The following XIRP2 variants were observed in gnomAD, a reference collection of about 807,000 sequenced individuals.
XIRP2 encodes the protein xin actin-binding repeat-containing protein 2.
A neutral mutation model predicts 277.0 loss-of-function variants in XIRP2; 236 were observed. The ratio of observed to expected loss-of-function variants is 0.85; its 90% CI spans 0.77 to 0.95. The LOEUF (loss-of-function observed/expected upper bound fraction) is 0.95. XIRP2 is among the 40% of genes least tolerant of loss of function. The pLI, the probability that XIRP2 is intolerant of heterozygous loss-of-function variation, is 0.00. For synonymous variants in XIRP2, 1,490 were observed against 1,416.5 expected, an observed-to-expected ratio of 1.05 and a Z score of -1.17; for missense variants, 4,640 against 4,157.5, an observed-to-expected ratio of 1.12 and a Z score of -3.19.
intron 2 of XIRP2, among the ~76,000 whole-genome samples, chr2:167,040,814 A>T (rs1688640663): frequency 6.6e-6 from 1 of 152,124 alleles, no homozygotes; most frequent in Non-Finnish European, 1.5e-5. Context: ...TAGCTTTTGC[A>T]GGGTGGGCCC....
chr2:167,117,571 A>T (rs933749707), intron 2 of XIRP2, among the ~76,000 whole-genome samples: 2 of 152,172 alleles, frequency 1.3e-5, no homozygotes, highest in African/African-American at 4.8e-5. Flanking sequence ...TCTCCAAAAA[A>T]TCTCACTAAC....
intron 2 of XIRP2, among the ~76,000 whole-genome samples, chr2:167,086,736 A>G (rs375867216): frequency 5.3e-5 from 8 of 151,058 alleles, no homozygotes; most frequent in East Asian, 1.9e-4. Context: ...TGATCGCATC[A>G]GCTCCTGAGG....
Position 167,245,585 on chromosome 2 carries a change from A to G in XIRP2, c.4193A>G (p.Gln1398Arg). The change falls in exon 9 of 11, where the codon CAG becomes CGG. Residue 1398 changes from glutamine to arginine, a missense_variant. By Grantham distance (43) the Gln-to-Arg change is conservative (BLOSUM62 1). Coordinates refer to ENST00000409195, the MANE Select transcript of XIRP2 (RefSeq NM_152381.6). The part of the protein sequence containing the change: ...RYRFETQPLD[Q>R]ISEESHNIMP... ...AGATTTGAAACTCAGCCACTGGATCAGATTTCTGAAGAATCACATAATATT... is the reference window on the plus strand; with the variant it reads ...AGATTTGAAACTCAGCCACTGGATCGGATTTCTGAAGAATCACATAATATT... 1 of 1,613,710 alleles carries G rather than the reference A, an allele frequency of 6.2e-7. No homozygotes were observed.
chr2:167,193,694 A>G, intron 3 of XIRP2, among the ~76,000 whole-genome samples: 1 of 152,026 alleles, frequency 6.6e-6, no homozygotes, highest in South Asian at 2.1e-4. Context: ...CCTAGCTAAC[A>G]TGGGGAAACC....
Position 167,239,877 on chromosome 2 carries a change from T to C in XIRP2, c.881T>C (p.Val294Ala), listed in dbSNP as rs762919073. 13 of 1,610,018 alleles carry C rather than the reference T, an allele frequency of 8.1e-6. No homozygotes were observed. The African/African-American group carries it at 1.2e-4, about 15-fold the overall frequency. The change falls in exon 6 of 11, where the codon GTT becomes GCT. Residue 294 changes from valine (V) to alanine (A), a missense_variant. By Grantham distance (64) the Val-to-Ala change is moderately conservative (BLOSUM62 0). Transcript: ENST00000409195. ...SEQEAIHSSQVGTSRSSQEMA... is the reference protein window; with the variant it reads ...SEQEAIHSSQAGTSRSSQEMA... ...CAGGAGGCAATTCATAGCAGCCAGG[T>C]TGGCACTTCAAGAAGCAGCCAGGAA...
Position 167,240,730 on chromosome 2 carries a change from GA to G in XIRP2, c.1039del (p.Thr347LeufsTer19). 1 of 1,613,302 alleles carries G rather than the reference GA, an allele frequency of 6.2e-7. No homozygotes were observed. Among genetic ancestry groups the G allele is most frequent in the Non-Finnish European group, 8.5e-7 (1 of 1,179,368 alleles). On this transcript the variant is annotated frameshift_variant, in exon 7 of 11. Coordinates refer to ENST00000409195, the MANE Select transcript of XIRP2 (RefSeq NM_152381.6). LOFTEE classifies it high-confidence loss of function. ...QASQFHQYVQ[E>X]TVIDTPEDEE... ...ATCTCAGTTTCATCAATATGTTCAA[GA>G]AACTGGTAAGAGTCTGGTATTATTG...
intron 2 of XIRP2, among the ~76,000 whole-genome samples, chr2:166,940,613 G>A (rs932879139): frequency 1.3e-5 from 2 of 152,188 alleles, no homozygotes; most frequent in African/African-American, 4.8e-5. Flanking sequence ...GTGGCGTACA[G>A]ATGGGGTTTT....
chr2:166,936,506 G>T (rs185027653), intron 2 of XIRP2, among the ~76,000 whole-genome samples: 2 of 152,324 alleles, frequency 1.3e-5, no homozygotes, highest in Admixed American at 1.3e-4. Flanking sequence ...GTCCTGAATG[G>T]TATTGCCTGG....
intron 2 of XIRP2, among the ~76,000 whole-genome samples, chr2:167,107,064 A>G (rs1315650005): frequency 6.6e-6 from 1 of 151,566 alleles, no homozygotes; most frequent in African/African-American, 2.4e-5. Context: ...AATGTTTTTT[A>G]TAGGTTATTT....
chr2:167,077,145 G>A (rs977660352), intron 2 of XIRP2, among the ~76,000 whole-genome samples: 7 of 151,948 alleles, frequency 4.6e-5, no homozygotes, highest in East Asian at 1.9e-4. Context: ...GAGCCACCAC[G>A]CCTGGCAATG....
intron 2 of XIRP2, among the ~76,000 whole-genome samples, chr2:166,917,332 A>G (rs145841534): frequency 9.8e-5 from 15 of 152,296 alleles, no homozygotes; most frequent in African/African-American, 3.6e-4. Context: ...AGACAGAGAG[A>G]GGACATCAAG....
chr2:167,212,722 A>C (rs377662411), intron 4 of XIRP2, among the ~76,000 whole-genome samples: 2 of 152,192 alleles, frequency 1.3e-5, no homozygotes, highest in East Asian at 3.9e-4. Flanking sequence ...TAAATGAGAA[A>C]GTATTTTTGG....
chr2:167,177,766 G>T lies in XIRP2; in HGVS notation c.563-32969G>T, dbSNP rs1380808107. Among the ~76,000 whole-genome samples the T allele has an allele frequency of 2.6e-5, 4 of 152,044 alleles. No homozygotes were observed. The East Asian group carries it at 7.7e-4, about 29-fold the overall frequency. On this transcript the variant is annotated intron_variant, in intron 3 of 10. Coordinates refer to ENST00000409195, the MANE Select transcript of XIRP2 (RefSeq NM_152381.6). ...ATACCAGTGGTAGAAGATTAAATTGGCAATAACTGTAATTTAGCCCTTTAG... is the reference window on the plus strand; with the variant it reads ...ATACCAGTGGTAGAAGATTAAATTGTCAATAACTGTAATTTAGCCCTTTAG...
rs1327805193 is a variant in XIRP2 at position 167,247,219 on chromosome 2, G to A, written c.5827G>A (p.Gly1943Ser). 5 of 1,613,370 alleles carry A rather than the reference G, an allele frequency of 3.1e-6. No individual in the cohort carries two copies. The highest frequency in any genetic ancestry group is 3.4e-6 in the Non-Finnish European group (4 of 1,179,804). ...AAGTTTCAAAGAGGTACATAAAGAA[G>A]GTGTAATAAAAAAAGATGCTAAAGC... Reference protein sequence around the residue: ...QRSFKEVHKEGVIKKDAKAVM... With the variant: ...QRSFKEVHKESVIKKDAKAVM... Residue 1943 changes from glycine to serine, a missense_variant, in exon 9 of 11, where the codon GGT (glycine) becomes AGT (serine). By Grantham distance (56) the Gly-to-Ser change is moderately conservative (BLOSUM62 0). Coordinates refer to ENST00000409195, the MANE Select transcript of XIRP2 (RefSeq NM_152381.6).
chr2:167,134,341 T>C (rs57540214), intron 2 of XIRP2, among the ~76,000 whole-genome samples: 12,909 of 151,716 alleles, frequency 0.085, 620 homozygotes, highest in African/African-American at 0.12. Context: ...ACTTGTTATG[T>C]ACATGTGATG....
At chr2:167,157,561 A>G (rs936599836) in intron 3 of XIRP2, among the ~76,000 whole-genome samples, 4 of 152,070 alleles carry the variant, frequency 2.6e-5, no homozygotes, top group African/African-American at 9.7e-5. Flanking sequence ...AGAACCACCA[A>G]ATAGATATAC....
chr2:166,901,315 G>A (rs1684383435), intron 1 of XIRP2, among the ~76,000 whole-genome samples: 1 of 152,022 alleles, frequency 6.6e-6, no homozygotes. Context: ...AAGGTTCCTA[G>A]GCAGTTCGCC....
Position 167,247,886 on chromosome 2 carries a change from A to G in XIRP2, c.6494A>G (p.Gln2165Arg), listed in dbSNP as rs770223352. 5 of 1,613,528 alleles carry G rather than the reference A, an allele frequency of 3.1e-6. No individual in the cohort carries two copies. In the South Asian group the frequency reaches 5.5e-5, roughly 18 times the overall value. ...DTQSSKPSPTQHPVSMPVGGT... is the reference protein window; with the variant it reads ...DTQSSKPSPTRHPVSMPVGGT... Reference sequence around the variant, plus strand: ...CAAAGCTCCAAGCCCAGTCCCACCCAGCATCCAGTCAGCATGCCAGTTGGA... The same window carrying G: ...CAAAGCTCCAAGCCCAGTCCCACCCGGCATCCAGTCAGCATGCCAGTTGGA... Residue 2165 changes from glutamine (Q) to arginine (R), a missense_variant, in exon 9 of 11, where the codon CAG (glutamine) becomes CGG (arginine). Coordinates refer to ENST00000409195, the MANE Select transcript of XIRP2 (RefSeq NM_152381.6).
chr2:166,898,677 TATGCAG>T (rs1387304980), intron 1 of XIRP2, among the ~76,000 whole-genome samples: 2 of 152,034 alleles, frequency 1.3e-5, no homozygotes, highest in Non-Finnish European at 2.9e-5. Flanking sequence ...ACTTATCACC[TATGCAG>T]ATTCCTGTAA....
Sources: allele counts gnomAD v4.1 joint callset (sites outside exome capture counted in the v4.1 genomes callset), GRCh38; gene constraint gnomAD v4.1.1; transcripts MANE v1.5; gene names NCBI Gene and HGNC (gene_info 2026-07-23, HGNC 2026-07-21).